MCU: variants seen among roughly 807,000 people sequenced by gnomAD.
MCU encodes the protein calcium uniporter protein, mitochondrial.
MCU carries 12 observed loss-of-function variants against 45.2 expected under a neutral mutation model. That is an observed-to-expected ratio of 0.27 (90% CI 0.17 to 0.43). The LOEUF (loss-of-function observed/expected upper bound fraction) is 0.43, where lower values mean the gene tolerates loss of function less well. MCU is among the 20% of genes least tolerant of loss of function. The pLI, the probability that MCU is intolerant of heterozygous loss-of-function variation, is 1.00. For synonymous variants in MCU, 160 were observed against 165.1 expected (o/e 0.97, Z 0.24); for missense variants, 324 against 436.7 (o/e 0.74, Z 2.30).
chr10:72,816,721 G>C (rs903027507), intron 1 of MCU, among the ~76,000 whole-genome samples: 1 of 152,188 alleles, frequency 6.6e-6, no homozygotes, highest in African/African-American at 2.4e-5. Context: ...GCAGTGAGCT[G>C]CACTCCAGCC....
intron 1 of MCU, among the ~76,000 whole-genome samples, chr10:72,812,916 T>C (rs1247022668): frequency 6.6e-6 from 1 of 152,224 alleles, no homozygotes; most frequent in Non-Finnish European, 1.5e-5. Flanking sequence ...TCTCTGTGGC[T>C]TAGTGCTTCA....
At chr10:72,833,322 G>C (rs994090867) in intron 1 of MCU, among the ~76,000 whole-genome samples, 3 of 152,162 alleles carry the variant, frequency 2.0e-5, no homozygotes, top group Non-Finnish European at 4.4e-5. Flanking sequence ...AACGAAACTA[G>C]CTGTGAGCCA....
chr10:72,787,321 T>A (rs753289306), intron 1 of MCU, among the ~76,000 whole-genome samples: 49 of 152,312 alleles, frequency 3.2e-4, no homozygotes, highest in African/African-American at 7.2e-4. Flanking sequence ...CAGGCTGGAG[T>A]GGAGTGGCGC....
At chr10:72,833,523 A>T (rs1398256920) in intron 1 of MCU, among the ~76,000 whole-genome samples, 2 of 152,078 alleles carry the variant, frequency 1.3e-5, no homozygotes, top group Non-Finnish European at 2.9e-5. Context: ...ATACTAAATG[A>T]TTTTTCTTTG....
intron 5 of MCU, among the ~76,000 whole-genome samples, chr10:72,871,090 G>C (rs1263742694): frequency 1.3e-5 from 2 of 151,940 alleles, no homozygotes; most frequent in African/African-American, 4.8e-5. Context: ...TGTAGAGATG[G>C]GATTTCGCCA....
chr10:72,692,576 T>C lies in MCU; in HGVS notation c.150+275T>C, dbSNP rs1336099422. 7 of 1,099,374 alleles carry C rather than the reference T, an allele frequency of 6.4e-6. No individual in the cohort carries two copies. The South Asian group carries it at 2.6e-4, about 40-fold the overall frequency. 68.1% of individuals were successfully genotyped at this position (1,099,374 alleles called of 1,614,324 possible). ...CACCAGGGCGGGGAAGGCACGGGACTTGAACCTCTCCCCGACTCGCCCCCA... is the reference window on the plus strand; with the variant it reads ...CACCAGGGCGGGGAAGGCACGGGACCTGAACCTCTCCCCGACTCGCCCCCA... On this transcript the variant is annotated intron_variant, in intron 1 of 7. Coordinates refer to ENST00000373053, the MANE Select transcript of MCU (RefSeq NM_138357.3).
intron 6 of MCU, among the ~76,000 whole-genome samples, chr10:72,874,224 T>G (rs1845587877): frequency 6.6e-6 from 1 of 152,216 alleles, no homozygotes; most frequent in Admixed American, 6.5e-5. Context: ...CGAGGCTCCT[T>G]TATTGAATAC....
At chr10:72,692,977 TG>T (rs1468757559) in intron 1 of MCU, 6 of 1,535,934 alleles carry the variant, frequency 3.9e-6, no homozygotes, top group Non-Finnish European at 5.2e-6. Context: ...AAGGTGCTTT[TG>T]GGGGTCCTTT....
Position 72,699,592 on chromosome 10 carries a change from CT to C in MCU, c.150+7307del, listed in dbSNP as rs372198670. 3.9e-3 allele frequency among the ~76,000 whole-genome samples: 524 copies of C among 135,126 alleles called. 1 individual carries two copies. Among genetic ancestry groups the C allele is most frequent in the Middle Eastern group, 0.015 (4 of 270 alleles). The allele number at this position is 135,126 out of a possible 152,430, so 88.6% of individuals were successfully genotyped here. ...AACAAGAGTATGAGTGGTGAAATGG[CT>C]TTTTTTTTTTTTTTTATTGAGATGG... On this transcript the variant is annotated intron_variant, in intron 1 of 7. Transcript: ENST00000373053.
intron 1 of MCU, among the ~76,000 whole-genome samples, chr10:72,780,352 C>T (rs1277459772): frequency 6.6e-6 from 1 of 151,930 alleles, no homozygotes; most frequent in Non-Finnish European, 1.5e-5. Flanking sequence ...GGTTACATAA[C>T]TGTATACCAA....
At chr10:72,735,901 G>A (rs1843246354) in intron 1 of MCU, among the ~76,000 whole-genome samples, 1 of 152,198 alleles carries the variant, frequency 6.6e-6, no homozygotes, top group African/African-American at 2.4e-5. Flanking sequence ...AGTGTTAATA[G>A]TGGTTGTCTC....
At chr10:72,840,343 G>A (rs1214376883) in intron 2 of MCU, among the ~76,000 whole-genome samples, 1 of 152,152 alleles carries the variant, frequency 6.6e-6, no homozygotes, top group Non-Finnish European at 1.5e-5. Flanking sequence ...ATTTAGTGAA[G>A]TGTCTATTCA....
chr10:72,853,692 T>A (rs891735774), intron 2 of MCU, among the ~76,000 whole-genome samples: 2 of 152,094 alleles, frequency 1.3e-5, no homozygotes, highest in South Asian at 4.1e-4. Context: ...GTCAAATTGT[T>A]GAAAACCAGT....
chr10:72,824,695 G>T (rs1844770159), intron 1 of MCU, among the ~76,000 whole-genome samples: 1 of 152,046 alleles, frequency 6.6e-6, no homozygotes, highest in African/African-American at 2.4e-5. Flanking sequence ...TCTTTTCATG[G>T]TATGAGTTTC....
intron 1 of MCU, among the ~76,000 whole-genome samples, chr10:72,715,380 A>C (rs970645824): frequency 1.3e-5 from 2 of 152,200 alleles, no homozygotes; most frequent in African/African-American, 4.8e-5. Context: ...GGTAGCTAAC[A>C]TGGGGCTGAG....
chr10:72,852,786 G>A (rs1386961870), intron 2 of MCU, among the ~76,000 whole-genome samples: 1 of 152,206 alleles, frequency 6.6e-6, no homozygotes. Flanking sequence ...ATCTGCATAG[G>A]CATCCTGTGA....
chr10:72,726,886 C>A (rs902482749), intron 1 of MCU, among the ~76,000 whole-genome samples: 3 of 152,140 alleles, frequency 2.0e-5, no homozygotes, highest in Non-Finnish European at 2.9e-5. Context: ...TTTAAGAGTT[C>A]TATTTATAAA....
intron 1 of MCU, among the ~76,000 whole-genome samples, chr10:72,749,172 C>T (rs985305541): frequency 1.3e-5 from 2 of 151,752 alleles, no homozygotes; most frequent in African/African-American, 4.8e-5. Context: ...GTGGTCTCAG[C>T]TACTTGGGAG....
chr10:72,724,527 T>G (rs1014226798), intron 1 of MCU, among the ~76,000 whole-genome samples: 3 of 152,186 alleles, frequency 2.0e-5, no homozygotes, highest in Middle Eastern at 3.2e-3. Flanking sequence ...CACAAGTTTG[T>G]CACTTTTTAA....
Sources: gnomAD v4.1 joint callset for allele counts (sites outside exome capture counted in the v4.1 genomes callset) on GRCh38, gnomAD v4.1.1 for gene constraint, MANE v1.5 for transcripts, NCBI Gene and HGNC (gene_info 2026-07-23, HGNC 2026-07-21) for gene names.